Variants in KIAA1671 observed in about 807,000 individuals in gnomAD.
The protein encoded by KIAA1671 is uncharacterized protein KIAA1671.
Under a neutral mutation model 131.2 loss-of-function variants are expected in KIAA1671, and 52 were observed. The ratio of observed to expected loss-of-function variants is 0.40; its 90% confidence interval spans 0.32 to 0.50. The LOEUF is 0.50. Among genes scored for constraint, KIAA1671 ranks in the 20% least tolerant of loss-of-function variants. The pLI, the probability that KIAA1671 is intolerant of heterozygous loss-of-function variation, is 0.73. For missense variants in KIAA1671, 2,360 were observed against 2,364.2 expected, an observed-to-expected ratio of 1.00 and a Z score of 0.04; for synonymous variants, 1,003 against 961.6, an observed-to-expected ratio of 1.04 and a Z score of -0.80.
intron 6 of KIAA1671, among the ~76,000 whole-genome samples, chr22:25,094,575 C>T (rs1008952659): frequency 6.6e-6 from 1 of 152,188 alleles, no homozygotes; most frequent in African/African-American, 2.4e-5. Context: ...AAGGCTGATG[C>T]AGCATAACCC....
intron 6 of KIAA1671, among the ~76,000 whole-genome samples, chr22:25,163,503 G>A (rs1933533197): frequency 7.1e-6 from 1 of 140,250 alleles, no homozygotes; most frequent in Non-Finnish European, 1.5e-5. Context: ...GTGCAGTGGT[G>A]CGATCTCTGC....
chr22:25,004,803 G>A (rs925178083), intron 1 of KIAA1671, among the ~76,000 whole-genome samples: 27 of 151,864 alleles, frequency 1.8e-4, no homozygotes, highest in African/African-American at 5.8e-4. Flanking sequence ...AAAATTAGCC[G>A]GGCGTGGTGG....
chr22:25,163,845 A>G (rs1351016233), intron 6 of KIAA1671, among the ~76,000 whole-genome samples: 5 of 152,204 alleles, frequency 3.3e-5, no homozygotes, highest in African/African-American at 4.8e-5. Flanking sequence ...CTAATCCTGC[A>G]GGGCGGTGTC....
In KIAA1671 at chr22:25,039,375, T is replaced by G; in HGVS notation, c.2245T>G (p.Ser749Ala). Residue 749 changes from serine to alanine, a missense_variant, in exon 5 of 13, where the codon TCA becomes GCA. By Grantham distance (99) the Ser-to-Ala change is moderately conservative. Around this residue, in one of 3 missense-constraint regions of KIAA1671, gnomAD observed 1,185 missense variants for 1,126.2 expected, o/e 1.05. Transcript: ENST00000358431. ...VGERVHSEAI[S>A]PAPEEKAVTL... ...AGAGCGTGTGCACAGCGAGGCCATC[T>G]CACCGGCACCGGAGGAGAAAGCGGT... The G allele has an allele frequency of 6.4e-7, 1 of 1,551,816 alleles. No individual in the cohort carries two copies. Among genetic ancestry groups the G allele is most frequent in the South Asian group, 1.2e-5 (1 of 84,064 alleles).
chr22:25,189,138 T>TTTTTTTTTGTTTTGTTTTTTTG (rs1934582021), intron 11 of KIAA1671, among the ~76,000 whole-genome samples: 1 of 150,122 alleles, frequency 6.7e-6, no homozygotes, highest in African/African-American at 2.5e-5. Context: ...TTTTTTTTTT[T>TTTTTTTTTGTTTTGTTTTTTTG]TTTTTTTGTT....
chr22:25,112,710 G>GT, intron 6 of KIAA1671: 1 of 267,434 alleles, frequency 3.7e-6, no homozygotes, highest in Middle Eastern at 1.1e-3. Flanking sequence ...GGGCCAGCAC[G>GT]TGAGTTGGGC....
intron 5 of KIAA1671, among the ~76,000 whole-genome samples, chr22:25,041,996 G>A (rs1016406966): frequency 2.6e-5 from 4 of 151,778 alleles, no homozygotes; most frequent in African/African-American, 9.7e-5. Flanking sequence ...CTCCTGCCTC[G>A]GCCTCCCAAA....
chr22:24,972,165 A>G (rs780852208), intron 1 of KIAA1671, among the ~76,000 whole-genome samples: 10 of 152,228 alleles, frequency 6.6e-5, no homozygotes, highest in Non-Finnish European at 1.0e-4. Context: ...GCAAAATGTT[A>G]TCACCCAGAC....
intron 6 of KIAA1671, among the ~76,000 whole-genome samples, chr22:25,164,196 A>G (rs2065426149): frequency 6.6e-6 from 1 of 152,192 alleles, no homozygotes; most frequent in Non-Finnish European, 1.5e-5. Flanking sequence ...CTGATGCATC[A>G]TAGAAAAGGT....
chr22:24,973,904 A>G (rs1278876045), intron 1 of KIAA1671, among the ~76,000 whole-genome samples: 1 of 152,188 alleles, frequency 6.6e-6, no homozygotes, highest in Non-Finnish European at 1.5e-5. Flanking sequence ...AATGATGCTG[A>G]ATAATAGTGA....
chr22:25,160,298 G>A lies in KIAA1671; in HGVS notation c.4531-10522G>A, dbSNP rs1402375563. Among the ~76,000 whole-genome samples the A allele has an allele frequency of 5.9e-5, 9 of 152,284 alleles. No individual in the cohort carries two copies. The East Asian group carries it at 1.2e-3, about 20-fold the overall frequency. ...CAGCCACATGCACACAGGTGCACAC[G>A]GGTGTGCCCCTGTGGGTGGAGCCAC... On this transcript the variant is annotated intron_variant, in intron 6 of 12. Transcript: ENST00000358431.
intron 1 of KIAA1671, chr22:25,009,847 G>C (rs529434699): frequency 7.2e-5 from 11 of 152,510 alleles, no homozygotes; most frequent in African/African-American, 2.6e-4. Context: ...GCCTCCCAAA[G>C]TGCTGGGATT....
chr22:25,019,059 T>C (rs1229520041), intron 1 of KIAA1671, among the ~76,000 whole-genome samples: 1 of 143,184 alleles, frequency 7.0e-6, no homozygotes, highest in African/African-American at 2.7e-5. Context: ...TTTGTGTGTG[T>C]GTGTGTGTGT....
Position 25,039,323 on chromosome 22 carries a change from C to A in KIAA1671, c.2193C>A (p.Pro731=), listed in dbSNP as rs1926787234. ...CTCCCACATCGCAGAGAATTGAGCC[C>A]AGATATGACATTGTGCATGCAGTGG... is the stretch of plus-strand genomic sequence containing the variant. ...ENPPTSQRIE[P]RYDIVHAVGE... is the part of the protein sequence containing the mutation. The change falls in exon 5 of 13, where the codon CCC becomes CCA. Residue 731 remains proline, a synonymous_variant. Transcript: ENST00000358431. 3 of 1,551,948 alleles carry A rather than the reference C, an allele frequency of 1.9e-6. No individual in the cohort carries two copies. Among genetic ancestry groups the A allele is most frequent in the East Asian group, 2.4e-5 (1 of 40,938 alleles).
chr22:25,070,097 G>A (rs570704687), intron 6 of KIAA1671: 29 of 348,306 alleles, frequency 8.3e-5, no homozygotes, highest in Admixed American at 4.7e-4. Context: ...GGGTTCAGAA[G>A]GATCCACCCC....
At position 25,174,268 on chromosome 22, in the gene KIAA1671, G is replaced by T. The variant is rs1188991598; in HGVS notation, c.4678G>T (p.Ala1560Ser). Residue 1560 changes from alanine (A) to serine (S), a missense_variant, in exon 8 of 13, where the codon GCC becomes TCC. Ala to Ser is a moderately conservative substitution (Grantham distance 99). Transcript: ENST00000358431. ...SLATESPDSS[A>S]TSTRKQPPSS... ...GGCCACTGAGTCCCCAGATAGCAGT[G>T]CCACATCGACAAGGAAACAGCCCCC... 1.3e-6 allele frequency: 2 copies of T among 1,551,542 alleles called. No homozygotes were observed. The highest frequency in any genetic ancestry group is 1.7e-6 in the Non-Finnish European group (2 of 1,147,028).
intron 6 of KIAA1671, among the ~76,000 whole-genome samples, chr22:25,100,879 G>A (rs925437965): frequency 6.6e-6 from 1 of 152,168 alleles, no homozygotes; most frequent in East Asian, 1.9e-4. Flanking sequence ...AAGAAGGCCA[G>A]AAAGGCCTTC....
intron 11 of KIAA1671, among the ~76,000 whole-genome samples, chr22:25,189,686 T>G (rs1233664936): frequency 6.6e-6 from 1 of 152,216 alleles, no homozygotes; most frequent in Non-Finnish European, 1.5e-5. Flanking sequence ...TCACAGACAC[T>G]TACCTGGATA....
At chr22:24,973,325 C>A (rs1331738701) in intron 1 of KIAA1671, among the ~76,000 whole-genome samples, 2 of 151,726 alleles carry the variant, frequency 1.3e-5, no homozygotes, top group African/African-American at 2.4e-5. Context: ...GGACAGTCCT[C>A]CCCATGACCC....
Sources: allele counts gnomAD v4.1 joint callset (sites outside exome capture counted in the v4.1 genomes callset), GRCh38; gene constraint gnomAD v4.1.1; regional missense constraint gnomAD v4.1.1; transcripts MANE v1.5; gene names NCBI Gene and HGNC (gene_info 2026-07-23, HGNC 2026-07-21).